The following RHCE variants were observed in gnomAD, a reference collection of about 807,000 sequenced individuals.
RHCE encodes the protein blood group Rh(CE) polypeptide.
In RHCE, 22 loss-of-function variants were observed where a neutral mutation model predicts 43.8. The observed-to-expected ratio is 0.50, with a 90% confidence interval of 0.36 to 0.72. The LOEUF is 0.72. Ranked by LOEUF, RHCE falls within the 30% of genes least tolerant of loss-of-function variation. The pLI is 0.00. For missense variants in RHCE, 385 were observed against 525.4 expected, an observed-to-expected ratio of 0.73 and a Z score of 2.61; for synonymous variants, 156 against 210.7, an observed-to-expected ratio of 0.74 and a Z score of 2.25.
At chr1:25,428,624 G>A (rs1221273146) in intron 2 of RHCE, among the ~76,000 whole-genome samples, 3 of 152,200 alleles carry the variant, frequency 2.0e-5, no homozygotes, top group African/African-American at 7.2e-5. Flanking sequence ...GGCTCTGAAG[G>A]CTCATTGTCC....
At chr1:25,413,169 G>A (rs1647152264) in intron 1 of RHCE, among the ~76,000 whole-genome samples, 1 of 152,140 alleles carries the variant, frequency 6.6e-6, no homozygotes, top group African/African-American at 2.4e-5. Flanking sequence ...CCTGAGAGAG[G>A]AATTGTGCCT....
At chr1:25,410,428 T>G (rs1303644352) in intron 1 of RHCE, among the ~76,000 whole-genome samples, 3 of 152,100 alleles carry the variant, frequency 2.0e-5, no homozygotes, top group African/African-American at 7.2e-5. Context: ...GCAACCAGCA[T>G]GTAGACAATT....
intron 7 of RHCE, among the ~76,000 whole-genome samples, chr1:25,379,522 A>T (rs1179973945): frequency 2.5e-5 from 2 of 79,764 alleles, no homozygotes; most frequent in Non-Finnish European, 2.5e-5. Context: ...TTTTTTTTTT[A>T]AAGATGGGAT....
intron 1 of RHCE, among the ~76,000 whole-genome samples, chr1:25,418,027 T>C (rs1292528664): frequency 6.6e-6 from 1 of 152,160 alleles, no homozygotes; most frequent in Admixed American, 6.5e-5. Flanking sequence ...TTTATTTTTA[T>C]TTATTACTAT....
intron 4 of RHCE, among the ~76,000 whole-genome samples, chr1:25,391,496 A>ATT (rs112171126): frequency 2.9e-5 from 4 of 138,938 alleles, no homozygotes; most frequent in African/African-American, 8.1e-5. Context: ...CCAAACGCTT[A>ATT]TTTTTTTTTT....
chr1:25,385,077 C>G (rs1265399591), intron 7 of RHCE, among the ~76,000 whole-genome samples: 1 of 152,172 alleles, frequency 6.6e-6, no homozygotes, highest in Non-Finnish European at 1.5e-5. Flanking sequence ...GAAGTAATGG[C>G]TAGGGCTCTG....
intron 1 of RHCE, among the ~76,000 whole-genome samples, chr1:25,416,648 G>C (rs1237639274): frequency 6.6e-6 from 1 of 151,828 alleles, no homozygotes; most frequent in East Asian, 1.9e-4. Flanking sequence ...ACAGGGTCTT[G>C]CTCTGTCGCC....
upstream of RHCE, among the ~76,000 whole-genome samples, chr1:25,422,411 G>A (rs2042772552): frequency 2.0e-5 from 3 of 152,130 alleles, no homozygotes. Flanking sequence ...GTTAGCACAC[G>A]CATAGAAAAA....
chr1:25,408,294 G>GAA (rs1251314593), intron 2 of RHCE, among the ~76,000 whole-genome samples: 1 of 104,120 alleles, frequency 9.6e-6, no homozygotes, highest in Admixed American at 1.1e-4. Context: ...TCTCAAAAAA[G>GAA]AAAAAAAAAA....
At chr1:25,414,965 A>G (rs189141066) in intron 1 of RHCE, among the ~76,000 whole-genome samples, 1 of 152,256 alleles carries the variant, frequency 6.6e-6, no homozygotes, top group East Asian at 1.9e-4. Flanking sequence ...ATGCAGCAAT[A>G]GGTAATTGAT....
In RHCE at chr1:25,402,699, C is replaced by G. The variant is rs1053347; in HGVS notation, c.383G>C (p.Gly128Ala). 1 of 1,614,072 alleles carries G rather than the reference C, an allele frequency of 6.2e-7. No homozygotes were observed. Among genetic ancestry groups the G allele is most frequent in the Non-Finnish European group, 8.5e-7 (1 of 1,180,032 alleles). ...MSAMSVLISA[G>A]AVLGKVNLAQ... ...CAAGTTGACCTTCCCCAAGACAGCA[C>G]CCGCTGAGATCAGCACCGACATAGC... The change falls in exon 3 of 10, where the codon GGT becomes GCT. Residue 128 changes from glycine (G) to alanine (A), a missense_variant. This residue lies in a region of RHCE where 110 missense variants were observed against 192.1 expected (regional missense o/e 0.57). Coordinates refer to ENST00000294413, the MANE Select transcript of RHCE (RefSeq NM_020485.8).
rs1390471466 is a variant in RHCE at position 25,390,746 on chromosome 1, C to T, written c.801+3G>A. The T allele has an allele frequency of 6.2e-7, 1 of 1,614,236 alleles. No homozygotes were observed. Among genetic ancestry groups the T allele is most frequent in the South Asian group, 1.1e-5 (1 of 91,084 alleles). On this transcript the variant is annotated splice_donor_region_variant and intron_variant, in intron 5 of 9. Coordinates refer to ENST00000294413, the MANE Select transcript of RHCE (RefSeq NM_020485.8). ...TGCTGCCCAAGGGCAGCGCCCTGCT[C>T]ACCATGCTGATCTTCCTTTGGGGGT... is the stretch of plus-strand genomic sequence containing the variant.
At chr1:25,417,263 T>C (rs1647611239) in intron 1 of RHCE, among the ~76,000 whole-genome samples, 1 of 152,144 alleles carries the variant, frequency 6.6e-6, no homozygotes, top group Non-Finnish European at 1.5e-5. Context: ...AATGTCTTTT[T>C]AGAATTGGCA....
chr1:25,407,776 G>A lies in RHCE; in HGVS notation c.335+907C>T, dbSNP rs1407098295. 3.2e-5 allele frequency among the ~76,000 whole-genome samples: 4 copies of A among 123,638 alleles called. 1 individual carries two copies. The highest frequency in any genetic ancestry group is 3.7e-5 in the Non-Finnish European group (2 of 54,130). 81.1% of individuals were successfully genotyped at this position (123,638 alleles called of 152,430 possible). ...CAGGTGAACACAGAGAACATTTTCT[G>A]CACCCCATGGGGCTATTTTGTGTTC... On this transcript the variant is annotated intron_variant, in intron 2 of 9. Transcript: ENST00000294413.
At chr1:25,429,635 T>C (rs1557652702) in intron 1 of RHCE, among the ~76,000 whole-genome samples, 3 of 152,154 alleles carry the variant, frequency 2.0e-5, no homozygotes, top group East Asian at 1.9e-4. Flanking sequence ...CTAGTATGAC[T>C]ACTATTCTAG....
At chr1:25,419,490 C>T (rs1266329088) in intron 1 of RHCE, among the ~76,000 whole-genome samples, 2 of 152,032 alleles carry the variant, frequency 1.3e-5, no homozygotes, top group Admixed American at 6.6e-5. Context: ...GTTAACTAGC[C>T]GTTCATATCA....
upstream of RHCE, among the ~76,000 whole-genome samples, chr1:25,425,141 C>T (rs12402120): frequency 0.51 from 77,244 of 152,054 alleles, 19,956 homozygotes; most frequent in Non-Finnish European, 0.54. Flanking sequence ...TATCTGCTTT[C>T]CCCTATGAGA....
At chr1:25,403,369 G>A (rs1307796691) in intron 2 of RHCE, among the ~76,000 whole-genome samples, 1 of 152,012 alleles carries the variant, frequency 6.6e-6, no homozygotes, top group Non-Finnish European at 1.5e-5. Flanking sequence ...TCCTGGGGAT[G>A]TGAAGGAGTA....
At chr1:25,419,976 G>A (rs1206556075) in intron 1 of RHCE, among the ~76,000 whole-genome samples, 12 of 146,516 alleles carry the variant, frequency 8.2e-5, no homozygotes, top group Admixed American at 3.4e-4. Context: ...CCAGGAGTTT[G>A]AGACCAGTCT....
Sources: allele counts gnomAD v4.1 joint callset (sites outside exome capture counted in the v4.1 genomes callset), GRCh38; gene constraint gnomAD v4.1.1; regional missense constraint gnomAD v4.1.1; transcripts MANE v1.5; gene names NCBI Gene and HGNC (gene_info 2026-07-23, HGNC 2026-07-21).